The following OTOF variants were observed in gnomAD, a reference collection of about 807,000 sequenced individuals.
OTOF encodes otoferlin, also known as fer-1-like family member 2.
A neutral mutation model predicts 236.8 loss-of-function variants in OTOF; 218 were observed. That is an observed-to-expected ratio of 0.92 (90% CI 0.82 to 1.03). The LOEUF (loss-of-function observed/expected upper bound fraction) is 1.03. Ranked by LOEUF, OTOF falls within the 50% of genes least tolerant of loss-of-function variation. OTOF has a pLI of 0.00. For synonymous variants in OTOF, 1,041 were observed against 1,072.5 expected, an observed-to-expected ratio of 0.97 and a Z score of 0.57; for missense variants, 2,590 against 2,694.4, an observed-to-expected ratio of 0.96 and a Z score of 0.86.
intron 46 of OTOF, 135 bp from the exon 47 acceptor site, chr2:26,458,355 G>A: frequency 3.2e-6 from 3 of 924,686 alleles, no homozygotes; most frequent in Non-Finnish European, 5.1e-6. Context: ...GCTGGAGCCA[G>A]GGTTTAAACC....
At chr2:26,517,951 C>G (rs1480535834) in intron 4 of OTOF, among the ~76,000 whole-genome samples, 2 of 152,208 alleles carry the variant, frequency 1.3e-5, no homozygotes, top group East Asian at 1.9e-4. Context: ...CCCAGCCCGC[C>G]TTCCCATGGG....
chr2:26,465,858 TAGG>T lies in OTOF; in HGVS notation c.4629-19_4629-17del, dbSNP rs1234883758. ...GTCAAAGGACCTGGTGGGGTGGAGT[TAGG>T]AGAAGGGCTTAAGGATTGGCTAGGG... is the stretch of plus-strand genomic sequence containing the variant. On this transcript the variant is annotated splice_polypyrimidine_tract_variant and intron_variant, in intron 37 of 46. Coordinates refer to ENST00000272371, the MANE Select transcript of OTOF (RefSeq NM_194248.3). 6.2e-7 allele frequency: 1 copy of T among 1,614,104 alleles called. No individual in the cohort carries two copies. The highest frequency in any genetic ancestry group is 1.3e-5 in the African/African-American group (1 of 75,028).
Position 26,477,069 on chromosome 2 carries a change from C to T in OTOF, c.2524-26G>A. 7 of 1,484,728 alleles carry T rather than the reference C, an allele frequency of 4.7e-6. No homozygotes were observed. The highest frequency in any genetic ancestry group is 5.5e-6 in the Non-Finnish European group (6 of 1,085,398). 92.0% of individuals were successfully genotyped at this position (1,484,728 alleles called of 1,614,324 possible). On this transcript the variant is annotated intron_variant, in intron 21 of 46. Transcript: ENST00000272371. The surrounding 1 kb of genome is among the most constrained non-coding windows in gnomAD (Gnocchi z 4.7). Reference sequence around the variant, plus strand: ...CTGGGGGTTGGGGGGTGGCCAGGGGCAGTGGGTAAGGGGGTCTAGCCTCCT... The same window carrying T: ...CTGGGGGTTGGGGGGTGGCCAGGGGTAGTGGGTAAGGGGGTCTAGCCTCCT...
chr2:26,530,267 C>G (rs567257299), intron 2 of OTOF, among the ~76,000 whole-genome samples: 29 of 151,712 alleles, frequency 1.9e-4, no homozygotes, highest in Non-Finnish European at 3.1e-4. Context: ...GCTAAGGGAC[C>G]TGGGGAGGGA....
At chr2:26,527,603 G>C (rs746420296) in intron 3 of OTOF, among the ~76,000 whole-genome samples, 3 of 152,230 alleles carry the variant, frequency 2.0e-5, no homozygotes, top group Non-Finnish European at 4.4e-5. Flanking sequence ...AGGGTGGAGT[G>C]TTCTTGGCTG....
chr2:26,479,415 T>A lies in OTOF; in HGVS notation c.2094-31A>T, dbSNP rs1254745937. 3 of 1,610,028 alleles carry A rather than the reference T, an allele frequency of 1.9e-6. No individual in the cohort carries two copies. In the African/African-American group the frequency reaches 4.0e-5, roughly 21 times the overall value. ...GTGGGCAGAGGCGGGAGGTGAGGTC[T>A]TGGGGGCCCAGGGAGGTGGGAGGGC... is the stretch of plus-strand genomic sequence containing the variant. On this transcript the variant is annotated intron_variant, in intron 17 of 46. Transcript: ENST00000272371.
At chr2:26,530,089 G>T (rs1355384889) in intron 2 of OTOF, among the ~76,000 whole-genome samples, 1 of 152,144 alleles carries the variant, frequency 6.6e-6, no homozygotes, top group Non-Finnish European at 1.5e-5. Context: ...GAGCCACCGA[G>T]ATTTGGTTTA....
At position 26,461,752 on chromosome 2, in the gene OTOF, G is replaced by A. The variant is rs377197565; in HGVS notation, c.5477C>T (p.Ala1826Val). ...ATCCCAGATCTGCAGGGTGAGCCGC[G>A]CGGGGATCTTGTACTCGGTCTCGTC... is the stretch of plus-strand genomic sequence containing the variant. ...SWDETEYKIPARLTLQIWDAD... is the reference protein window; with the variant it reads ...SWDETEYKIPVRLTLQIWDAD... Residue 1826 changes from alanine to valine, a missense_variant, in exon 43 of 47, where the codon GCG becomes GTG. By Grantham distance (64) the Ala-to-Val change is moderately conservative (BLOSUM62 0). Around this residue, in one of 2 missense-constraint regions of OTOF, gnomAD observed 1,211 missense variants for 1,352.8 expected, o/e 0.90. Coordinates refer to ENST00000272371, the MANE Select transcript of OTOF (RefSeq NM_194248.3). This position sits in a 1 kb window ranked among gnomAD's most constrained non-coding sequence, Gnocchi z 6.2. The A allele has an allele frequency of 6.8e-6, 11 of 1,614,054 alleles. No homozygotes were observed. In the African/African-American group the frequency reaches 1.2e-4, roughly 18 times the overall value.
rs1212171652 is a variant in OTOF, at chr2:26,464,112, G to A, written c.4961-6C>T. 4.3e-6 allele frequency: 7 copies of A among 1,613,300 alleles called. No individual in the cohort carries two copies. The highest frequency in any genetic ancestry group is 5.9e-6 in the Non-Finnish European group (7 of 1,179,960). ...GTCTGTGGGCTTCCTCTGACCTGTG[G>A]GTGCCGGCGGCTCAGCTGCACACAT... On this transcript the variant is annotated splice_polypyrimidine_tract_variant and splice_region_variant and intron_variant, in intron 39 of 46. Coordinates refer to ENST00000272371, the MANE Select transcript of OTOF (RefSeq NM_194248.3).
intron 34 of OTOF, 49 bp from the exon 35 acceptor site, chr2:26,467,282 T>A: frequency 6.2e-7 from 1 of 1,613,990 alleles, no homozygotes; most frequent in Non-Finnish European, 8.5e-7. Flanking sequence ...CTCTGGCTTT[T>A]GTCCTGCCCC....
Position 26,516,615 on chromosome 2 carries a change from C to T in OTOF, c.328-16G>A, listed in dbSNP as rs199976848. ...ACAGGCTGGTCTGAAGGGAGGGAGG[C>T]GGTGGTGAGCAGCTGGGATGGTGAC... On this transcript the variant is annotated splice_polypyrimidine_tract_variant and intron_variant, in intron 4 of 46. Transcript: ENST00000272371. 71 of 1,601,694 alleles carry T rather than the reference C, an allele frequency of 4.4e-5. No homozygotes were observed. The Middle Eastern group carries it at 9.9e-4, about 22-fold the overall frequency.
intron 3 of OTOF, 36 bp from the exon 4 acceptor site, chr2:26,519,145 A>G (rs1666611970): frequency 2.2e-6 from 3 of 1,380,466 alleles, no homozygotes; most frequent in Non-Finnish European, 3.1e-6. Context: ...GGTAACATGG[A>G]AGAGACCAGG....
In OTOF at chr2:26,494,976, A is replaced by G. The variant is rs1181919111; in HGVS notation, c.863T>C (p.Met288Thr). The G allele has an allele frequency of 8.7e-6, 14 of 1,614,036 alleles. No individual in the cohort carries two copies. The highest frequency in any genetic ancestry group is 1.3e-5 in the African/African-American group (1 of 74,990). ...EVGDDKKYTS[M>T]KESTNCPYYN... Reference sequence around the variant, plus strand: ...ATAGGGGCAGTTAGTGGACTCCTTCATGGATGTGTACTTCTTGTCGTCACC... The same window carrying G: ...ATAGGGGCAGTTAGTGGACTCCTTCGTGGATGTGTACTTCTTGTCGTCACC... Residue 288 changes from methionine (M) to threonine (T), a missense_variant, in exon 9 of 47, where the codon ATG (methionine) becomes ACG (threonine). Met to Thr is a moderately conservative substitution (Grantham distance 81). This residue lies in a region of OTOF where 1,379 missense variants were observed against 1,341.6 expected (regional missense o/e 1.03). Coordinates refer to ENST00000272371, the MANE Select transcript of OTOF (RefSeq NM_194248.3).
chr2:26,557,486 C>T (rs1354293752), intron 1 of OTOF, among the ~76,000 whole-genome samples: 1 of 152,148 alleles, frequency 6.6e-6, no homozygotes, highest in Non-Finnish European at 1.5e-5. Context: ...CTCCGCTGTC[C>T]CCGGGGTCAG....
rs769229324 is a variant in OTOF, at chr2:26,475,924, T to C, written c.2981A>G (p.Gln994Arg). The change falls in exon 24 of 47, where the codon CAG (glutamine) becomes CGG (arginine). Residue 994 changes from glutamine (Q) to arginine (R), a missense_variant. Physicochemically the swap from Gln to Arg is conservative, Grantham distance 43. Coordinates refer to ENST00000272371, the MANE Select transcript of OTOF (RefSeq NM_194248.3). ...FARVFFINQS[Q>R]CTEVLNETLC... ...CTCCCAGGCCCTCACCTCTGTGCAC[T>C]GACTCTGATTGATGAAGAAGACGCG... is the stretch of plus-strand genomic sequence containing the variant. 6.2e-7 allele frequency: 1 copy of C among 1,608,398 alleles called. No individual in the cohort carries two copies. The highest frequency in any genetic ancestry group is 1.1e-5 in the South Asian group (1 of 90,104).
chr2:26,517,077 C>T (rs557182743), intron 4 of OTOF, among the ~76,000 whole-genome samples: 52 of 152,286 alleles, frequency 3.4e-4, no homozygotes, highest in Non-Finnish European at 6.2e-4. Flanking sequence ...GGGAGAGGAG[C>T]CCAGGGCCCA....
intron 1 of OTOF, among the ~76,000 whole-genome samples, chr2:26,558,171 C>T (rs1240497434): frequency 6.6e-6 from 1 of 151,842 alleles, no homozygotes; most frequent in Non-Finnish European, 1.5e-5. Context: ...GGAGGGGGTC[C>T]TGGGTCTCCC....
At chr2:26,495,192 G>T in intron 8 of OTOF, 119 bp from the exon 9 acceptor site, 1 of 950,236 alleles carries the variant, frequency 1.1e-6, no homozygotes, top group Non-Finnish European at 1.6e-6. Context: ...GCCAGCACTG[G>T]CCTCCTGGGC....
rs769631334 is a variant in OTOF, at chr2:26,483,658, C to A, written c.1206-10G>T. ...GGGGAGCAGCAAGTTCCTGCCAGCA[C>A]ATACAGCCAGGGCCATGGTCACCAG... On this transcript the variant is annotated splice_polypyrimidine_tract_variant and intron_variant, in intron 12 of 46. Transcript: ENST00000272371. 2.0e-5 allele frequency: 32 copies of A among 1,611,118 alleles called. No individual in the cohort carries two copies. The highest frequency in any genetic ancestry group is 2.6e-5 in the Non-Finnish European group (31 of 1,179,578).
Sources: allele counts gnomAD v4.1 joint callset (sites outside exome capture counted in the v4.1 genomes callset), GRCh38; gene constraint gnomAD v4.1.1; regional missense constraint gnomAD v4.1.1; non-coding constraint Gnocchi (gnomAD v3.1); transcripts MANE v1.5; gene names NCBI Gene and HGNC (gene_info 2026-07-23, HGNC 2026-07-21).